The following EXT1 variants were observed in gnomAD, a reference collection of about 807,000 sequenced individuals.
EXT1 encodes the protein exostosin-1.
Under a neutral mutation model 82.5 loss-of-function variants are expected in EXT1, and 20 were observed. The ratio of observed to expected loss-of-function variants is 0.24; its 90% confidence interval spans 0.17 to 0.35. The LOEUF is 0.35. EXT1 is among the 10% of genes least tolerant of loss of function. The pLI is 1.00. For synonymous variants in EXT1, 348 were observed against 350.8 expected (o/e 0.99, Z 0.09); for missense variants, 757 against 936.5 (o/e 0.81, Z 2.50).
chr8:117,979,650 G>A (rs1223504423), intron 1 of EXT1, among the ~76,000 whole-genome samples: 1 of 152,046 alleles, frequency 6.6e-6, no homozygotes, highest in Non-Finnish European at 1.5e-5. Context: ...TTAGTAACTA[G>A]ACCGGGCAAA....
chr8:118,100,066 C>T (rs1326799752), intron 1 of EXT1, among the ~76,000 whole-genome samples: 1 of 152,154 alleles, frequency 6.6e-6, no homozygotes, highest in Non-Finnish European at 1.5e-5. Context: ...GAATGGCTCT[C>T]CCCAGCAAGC....
chr8:118,045,431 C>T (rs191457317), intron 1 of EXT1, among the ~76,000 whole-genome samples: 281 of 152,288 alleles, frequency 1.8e-3, no homozygotes, highest in African/African-American at 6.0e-3. Flanking sequence ...TCTTCATTCA[C>T]GCTCTCAAAC....
chr8:118,012,401 C>A (rs1173251983), intron 1 of EXT1, among the ~76,000 whole-genome samples: 1 of 152,094 alleles, frequency 6.6e-6, no homozygotes, highest in Non-Finnish European at 1.5e-5. Flanking sequence ...CCTTTTTGTC[C>A]GGGAAGGTGA....
At chr8:117,845,527 C>T (rs894950283) in intron 1 of EXT1, among the ~76,000 whole-genome samples, 1 of 150,278 alleles carries the variant, frequency 6.7e-6, no homozygotes, top group African/African-American at 2.5e-5. Context: ...CATTAAATAA[C>T]AGCTCAATGG....
intron 1 of EXT1, among the ~76,000 whole-genome samples, chr8:117,996,077 G>A (rs1343966408): frequency 6.6e-6 from 1 of 152,068 alleles, no homozygotes; most frequent in Non-Finnish European, 1.5e-5. Flanking sequence ...ATCCAGACAG[G>A]ATAAATATAA....
Position 117,814,753 on chromosome 8 carries a change from C to T in EXT1, c.1633-1792G>A, listed in dbSNP as rs867590904. ...AAGAGACAAAGGCCAGGGAAAGAAGCAACTTAACACTGCAGACAAAGGGAA... is the reference window on the plus strand; with the variant it reads ...AAGAGACAAAGGCCAGGGAAAGAAGTAACTTAACACTGCAGACAAAGGGAA... On this transcript the variant is annotated intron_variant, in intron 7 of 10. Coordinates refer to ENST00000378204, the MANE Select transcript of EXT1 (RefSeq NM_000127.3). Among the ~76,000 whole-genome samples, 12 of 152,240 alleles carry T rather than the reference C, an allele frequency of 7.9e-5. 1 individual carries two copies. In the Middle Eastern group the frequency reaches 0.01, roughly 129 times the overall value.
intron 1 of EXT1, among the ~76,000 whole-genome samples, chr8:118,066,296 C>T (rs1458189665): frequency 6.6e-6 from 1 of 151,658 alleles, no homozygotes; most frequent in Admixed American, 6.6e-5. Flanking sequence ...TTTTCTCTTC[C>T]TTATTATTTT....
chr8:118,044,411 ATTT>A (rs547940900), intron 1 of EXT1, among the ~76,000 whole-genome samples: 2 of 145,146 alleles, frequency 1.4e-5, no homozygotes, highest in Admixed American at 6.9e-5. Context: ...CTTCTTTATG[ATTT>A]TTTTTTTTTT....
At chr8:117,937,067 T>C (rs1288316893) in intron 1 of EXT1, among the ~76,000 whole-genome samples, 1 of 152,154 alleles carries the variant, frequency 6.6e-6, no homozygotes, top group Non-Finnish European at 1.5e-5. Flanking sequence ...GCTCCCTCCA[T>C]TATTACTTCC....
chr8:117,844,513 C>G (rs934782730), intron 1 of EXT1, among the ~76,000 whole-genome samples: 2 of 151,956 alleles, frequency 1.3e-5, no homozygotes, highest in African/African-American at 4.8e-5. Flanking sequence ...ACGGAATTGC[C>G]CAAGGCAAAG....
chr8:117,920,422 AG>A (rs1453256923), intron 1 of EXT1, among the ~76,000 whole-genome samples: 1 of 152,178 alleles, frequency 6.6e-6, no homozygotes, highest in Non-Finnish European at 1.5e-5. Flanking sequence ...ATTTTTTAAC[AG>A]TATCTGTAGT....
At chr8:117,996,149 C>T (rs1160634438) in intron 1 of EXT1, among the ~76,000 whole-genome samples, 5 of 152,256 alleles carry the variant, frequency 3.3e-5, no homozygotes, top group East Asian at 1.9e-4. Context: ...TCTTAAGACG[C>T]TCGCCCTTGG....
chr8:118,024,943 A>T (rs1816176555), intron 1 of EXT1, among the ~76,000 whole-genome samples: 3 of 152,240 alleles, frequency 2.0e-5, no homozygotes, highest in Admixed American at 1.3e-4. Flanking sequence ...TTCAAACTAT[A>T]TCTTGATATT....
intron 1 of EXT1, among the ~76,000 whole-genome samples, chr8:117,890,877 C>T (rs542678722): frequency 1.3e-4 from 20 of 152,130 alleles, no homozygotes; most frequent in Non-Finnish European, 2.9e-4. Flanking sequence ...TAACTATCAC[C>T]GTTAGCTTGA....
At chr8:117,926,954 C>T (rs1008536896) in intron 1 of EXT1, among the ~76,000 whole-genome samples, 1 of 152,222 alleles carries the variant, frequency 6.6e-6, no homozygotes, top group African/African-American at 2.4e-5. Flanking sequence ...TCCGTCTCAT[C>T]TCAGAGGTTT....
At chr8:117,989,837 A>G (rs1297915640) in intron 1 of EXT1, among the ~76,000 whole-genome samples, 1 of 152,112 alleles carries the variant, frequency 6.6e-6, no homozygotes, top group African/African-American at 2.4e-5. Context: ...TGTGACAGCA[A>G]CTATGCCAAA....
At chr8:117,858,778 C>CAAGGCA (rs1444424424) in intron 1 of EXT1, among the ~76,000 whole-genome samples, 1 of 108,740 alleles carries the variant, frequency 9.2e-6, no homozygotes, top group South Asian at 3.0e-4. Context: ...GGCAGGCAGG[C>CAAGGCA]AGGCAGGCAG....
At chr8:118,032,105 T>C (rs1174477758) in intron 1 of EXT1, among the ~76,000 whole-genome samples, 1 of 139,844 alleles carries the variant, frequency 7.2e-6, no homozygotes, top group Non-Finnish European at 1.6e-5. Context: ...GCAAAAGTCA[T>C]CGCGGTTTTG....
chr8:118,046,838 G>A (rs1554596546), intron 1 of EXT1, among the ~76,000 whole-genome samples: 1 of 152,192 alleles, frequency 6.6e-6, no homozygotes, highest in Non-Finnish European at 1.5e-5. Flanking sequence ...AGATCGTGCA[G>A]AAAATCCATC....
Sources: gnomAD v4.1 joint callset for allele counts (sites outside exome capture counted in the v4.1 genomes callset) on GRCh38, gnomAD v4.1.1 for gene constraint, MANE v1.5 for transcripts, NCBI Gene and HGNC (gene_info 2026-07-23, HGNC 2026-07-21) for gene names.